Variants in NUP210 observed in about 807,000 individuals in gnomAD.
NUP210 encodes nuclear pore membrane glycoprotein 210.
In NUP210, 151 loss-of-function variants were observed where a neutral mutation model predicts 196.0. The ratio of observed to expected loss-of-function variants is 0.77; its 90% CI spans 0.67 to 0.88. The LOEUF (loss-of-function observed/expected upper bound fraction) is 0.88, where lower values mean the gene tolerates loss of function less well. Among genes scored for constraint, NUP210 ranks in the 40% least tolerant of loss-of-function variants. The probability of loss-of-function intolerance (pLI) is 0.00; values close to 1 mark genes in which losing one functional copy is unlikely to be tolerated. For missense variants in NUP210, 2,314 were observed against 2,493.7 expected (o/e 0.93, Z 1.53); for synonymous variants, 1,070 against 1,052.7 (o/e 1.02, Z -0.32).
At chr3:13,337,561 C>T (rs1462147914) in intron 26 of NUP210, among the ~76,000 whole-genome samples, 2 of 152,214 alleles carry the variant, frequency 1.3e-5, no homozygotes, top group African/African-American at 4.8e-5. Flanking sequence ...CAAGACAGCA[C>T]GGAGTTGAGT....
chr3:13,419,123 T>A (rs1310202181), intron 1 of NUP210, among the ~76,000 whole-genome samples: 2 of 152,170 alleles, frequency 1.3e-5, no homozygotes, highest in East Asian at 3.9e-4. Flanking sequence ...TGTCACGTGG[T>A]CACACCCCGT....
At chr3:13,377,706 A>C in intron 8 of NUP210, 144 bp from the exon 9 acceptor site, 2 of 547,330 alleles carry the variant, frequency 3.7e-6, no homozygotes, top group Non-Finnish European at 6.5e-6. Flanking sequence ...CACACCACCC[A>C]CCTGCAGGCC....
intron 20 of NUP210, chr3:13,344,786 C>T (rs1559319189): frequency 7.9e-6 from 2 of 252,810 alleles, no homozygotes; most frequent in Non-Finnish European, 1.2e-5. Context: ...CCCACTCATA[C>T]AGACAGCTTG....
In NUP210 at chr3:13,323,465, G is replaced by A. The variant is rs747588577; in HGVS notation, c.4645-33C>T. On this transcript the variant is annotated intron_variant, in intron 33 of 39. Coordinates refer to ENST00000254508, the MANE Select transcript of NUP210 (RefSeq NM_024923.4). The surrounding 1 kb of genome is among the most constrained non-coding windows in gnomAD (Gnocchi z 4.3). ...GGGAGCCAAGGAAGCTTCATGGAGC[G>A]CCGCCTGTGTCCCGGTCCATGCTGG... 2.0e-5 allele frequency: 32 copies of A among 1,612,186 alleles called. No individual in the cohort carries two copies. Among genetic ancestry groups the A allele is most frequent in the Admixed American group, 1.0e-4 (6 of 59,834 alleles).
At chr3:13,389,737 C>T (rs1347566774) in intron 4 of NUP210, among the ~76,000 whole-genome samples, 1 of 152,160 alleles carries the variant, frequency 6.6e-6, no homozygotes, top group Non-Finnish European at 1.5e-5. Flanking sequence ...CAGCCCAGAG[C>T]AGGACTTTAA....
intron 1 of NUP210, among the ~76,000 whole-genome samples, chr3:13,409,825 G>A (rs1700107694): frequency 7.1e-6 from 1 of 141,788 alleles, no homozygotes; most frequent in Non-Finnish European, 1.5e-5. Context: ...ACCTCCAAAT[G>A]TATCCTGAAT....
intron 6 of NUP210, among the ~76,000 whole-genome samples, chr3:13,381,747 C>A (rs1333885208): frequency 2.0e-5 from 3 of 152,138 alleles, no homozygotes; most frequent in African/African-American, 7.2e-5. Context: ...AGGGGGTGAA[C>A]AGCTGCCCTT....
At chr3:13,344,910 G>C (rs1238410560) in intron 20 of NUP210, 1 of 984,916 alleles carries the variant, frequency 1.0e-6, no homozygotes, top group Non-Finnish European at 1.2e-6. Flanking sequence ...TCCTTCCTCA[G>C]AACAGTCTTC....
intron 34 of NUP210, 78 bp from the exon 35 acceptor site, chr3:13,322,417 T>C: frequency 1.3e-6 from 2 of 1,526,632 alleles, no homozygotes; most frequent in Non-Finnish European, 1.8e-6. Context: ...CTGCACAGGC[T>C]GGCTGGGCTG....
intron 1 of NUP210, among the ~76,000 whole-genome samples, chr3:13,406,209 G>A (rs928151321): frequency 2.6e-4 from 40 of 152,188 alleles, no homozygotes; most frequent in African/African-American, 9.7e-4. Context: ...ACCGAGCCCT[G>A]CAACGCCAGC....
intron 13 of NUP210, 48 bp downstream of exon 13, chr3:13,371,786 C>T (rs1698738995): frequency 1.3e-6 from 2 of 1,527,532 alleles, no homozygotes; most frequent in Non-Finnish European, 1.8e-6. Context: ...CCCAGACAAT[C>T]TGGCCCCAAT....
intron 1 of NUP210, among the ~76,000 whole-genome samples, chr3:13,414,661 T>G (rs768668562): frequency 6.6e-6 from 1 of 151,998 alleles, no homozygotes; most frequent in Non-Finnish European, 1.5e-5. Context: ...ACAAGCTCTA[T>G]CTCTCCTCCG....
At chr3:13,391,916 T>C (rs1390828249) in intron 3 of NUP210, among the ~76,000 whole-genome samples, 1 of 151,898 alleles carries the variant, frequency 6.6e-6, no homozygotes, top group Non-Finnish European at 1.5e-5. Flanking sequence ...ATCTGTCCTT[T>C]CCAATCAAGA....
At position 13,348,783 on chromosome 3, in the gene NUP210, C is replaced by G. The variant is rs558139823; in HGVS notation, c.2835+3096G>C. The G allele has an allele frequency of 8.1e-6, 8 of 985,422 alleles. No individual in the cohort carries two copies. The highest frequency in any genetic ancestry group is 9.6e-6 in the Non-Finnish European group (8 of 829,924). 61.0% of individuals were successfully genotyped at this position (985,422 alleles called of 1,614,324 possible). A position where few individuals can be genotyped will look rare whatever the true frequency, so the allele number is the denominator to read the frequency against. ...ACAGGAACAGTGGGACTCCCTCCCC[C>G]TCCTTGAGGCACGGCGCTGAGAAAA... On this transcript the variant is annotated intron_variant, in intron 20 of 39. Transcript: ENST00000254508. This position sits in a 1 kb window ranked among gnomAD's most constrained non-coding sequence, Gnocchi z 4.0.
chr3:13,394,305 G>A (rs1275604169), intron 3 of NUP210, among the ~76,000 whole-genome samples: 8 of 152,214 alleles, frequency 5.3e-5, no homozygotes, highest in East Asian at 1.9e-4. Flanking sequence ...CAAGAGGCAC[G>A]GGTGGGCCAG....
intron 6 of NUP210, among the ~76,000 whole-genome samples, chr3:13,380,644 C>G (rs560046377): frequency 9.8e-5 from 15 of 152,306 alleles, no homozygotes; most frequent in Non-Finnish European, 1.8e-4. Flanking sequence ...TTCTAGCCCT[C>G]CAGCAAGAGA....
At chr3:13,378,736 T>G (rs1261684956) in intron 8 of NUP210, among the ~76,000 whole-genome samples, 176 bp downstream of exon 8, 1 of 152,188 alleles carries the variant, frequency 6.6e-6, no homozygotes, top group Non-Finnish European at 1.5e-5. Flanking sequence ...TTCTACCTAT[T>G]TCTACACCAA....
At chr3:13,410,754 A>T (rs1014660892) in intron 1 of NUP210, among the ~76,000 whole-genome samples, 3 of 135,334 alleles carry the variant, frequency 2.2e-5, no homozygotes, top group Non-Finnish European at 4.5e-5. Context: ...CGTCTCCATT[A>T]AAAAATACAA....
chr3:13,420,115 T>C lies in NUP210; in HGVS notation c.112A>G (p.Thr38Ala). The C allele has an allele frequency of 7.2e-7, 1 of 1,381,144 alleles. No homozygotes were observed. Among genetic ancestry groups the C allele is most frequent in the Non-Finnish European group, 9.6e-7 (1 of 1,046,422 alleles). 85.6% of individuals were successfully genotyped at this position (1,381,144 alleles called of 1,614,324 possible). A position where few individuals can be genotyped will look rare whatever the true frequency, so the allele number is the denominator to read the frequency against. Residue 38 changes from threonine to alanine, a missense_variant, in exon 1 of 40, where the codon ACG becomes GCG. Physicochemically the swap from Thr to Ala is moderately conservative, Grantham distance 58. Transcript: ENST00000254508. The surrounding 1 kb of genome is among the most constrained non-coding windows in gnomAD (Gnocchi z 4.8). ...LNIPKVLLPF[T>A]RATRVNFTLE... Reference sequence around the variant, plus strand: ...GTGAAGTTAACGCGCGTGGCCCGCGTGAAGGGCAGCAGCACTTTGGGGATG... The same window carrying C: ...GTGAAGTTAACGCGCGTGGCCCGCGCGAAGGGCAGCAGCACTTTGGGGATG...
Sources: gnomAD v4.1 joint callset for allele counts (sites outside exome capture counted in the v4.1 genomes callset) on GRCh38, gnomAD v4.1.1 for gene constraint, Gnocchi (gnomAD v3.1) non-coding constraint, MANE v1.5 for transcripts, NCBI Gene and HGNC (gene_info 2026-07-23, HGNC 2026-07-21) for gene names.